Variants in ABI1 observed in about 807,000 individuals in gnomAD.
ABI1 encodes the protein abl interactor 1, also known as Abelson interactor 1.
A neutral mutation model predicts 54.6 loss-of-function variants in ABI1; 14 were observed. That is an observed-to-expected ratio of 0.26 (90% CI 0.17 to 0.40). The LOEUF (loss-of-function observed/expected upper bound fraction) is 0.40, where lower values mean the gene tolerates loss of function less well. Among genes scored for constraint, ABI1 ranks in the 10% least tolerant of loss-of-function variants. ABI1 has a pLI of 1.00. For synonymous variants in ABI1, 194 were observed against 209.3 expected (o/e 0.93, Z 0.63); for missense variants, 443 against 598.3 (o/e 0.74, Z 2.71).
intron 2 of ABI1, among the ~76,000 whole-genome samples, chr10:26,785,455 C>T (rs1219476500): frequency 6.6e-6 from 1 of 152,184 alleles, no homozygotes; most frequent in Admixed American, 6.5e-5. Flanking sequence ...GGTGTGGTGG[C>T]TCATGCCTGT....
chr10:26,800,879 G>A (rs1361190991), intron 2 of ABI1, among the ~76,000 whole-genome samples: 4 of 152,204 alleles, frequency 2.6e-5, no homozygotes, highest in South Asian at 2.1e-4. Flanking sequence ...GGTGGCACAC[G>A]CCTGCAATCC....
intron 2 of ABI1, among the ~76,000 whole-genome samples, chr10:26,807,711 C>T (rs2046963409): frequency 1.3e-5 from 2 of 152,154 alleles, no homozygotes; most frequent in African/African-American, 4.8e-5. Flanking sequence ...TTGTGGTCAC[C>T]ATGAACTCTG....
intron 2 of ABI1, among the ~76,000 whole-genome samples, chr10:26,809,624 A>G (rs892940164): frequency 6.6e-6 from 1 of 152,198 alleles, no homozygotes; most frequent in East Asian, 1.9e-4. Context: ...TTTTCACATA[A>G]AAAAGGGGGG....
At chr10:26,855,254 T>A (rs1019536664) in intron 1 of ABI1, among the ~76,000 whole-genome samples, 2 of 152,236 alleles carry the variant, frequency 1.3e-5, no homozygotes, top group African/African-American at 4.8e-5. Flanking sequence ...TCTCTTCTTA[T>A]ATTCACAACC....
At chr10:26,794,642 T>C (rs1157853675) in intron 2 of ABI1, among the ~76,000 whole-genome samples, 1 of 151,570 alleles carries the variant, frequency 6.6e-6, no homozygotes, top group African/African-American at 2.4e-5. Flanking sequence ...ACACAGTTAC[T>C]GTAAGGATTA....
chr10:26,838,482 C>T (rs572371513), intron 1 of ABI1, among the ~76,000 whole-genome samples: 3 of 152,204 alleles, frequency 2.0e-5, no homozygotes, highest in East Asian at 1.9e-4. Flanking sequence ...AGTAAGCCTA[C>T]GACAGTAGAC....
rs187806440 is a variant in ABI1, at chr10:26,780,614, C to T, written c.286-3373G>A. On this transcript the variant is annotated intron_variant, in intron 2 of 10. Transcript: ENST00000376140. ...TCACTGGTGCAAAGCTACTCTCTCCCAGCCTCCCTCATCCCTCAACCTCAG... is the reference window on the plus strand; with the variant it reads ...TCACTGGTGCAAAGCTACTCTCTCCTAGCCTCCCTCATCCCTCAACCTCAG... Among the ~76,000 whole-genome samples the T allele has an allele frequency of 3.9e-3, 593 of 152,304 alleles. 4 individuals carry two copies. Among genetic ancestry groups the T allele is most frequent in the Non-Finnish European group, 5.4e-3 (366 of 68,022 alleles).
intron 8 of ABI1, among the ~76,000 whole-genome samples, chr10:26,756,165 T>C (rs1028539955): frequency 6.6e-6 from 1 of 152,200 alleles, no homozygotes; most frequent in Admixed American, 6.5e-5. Context: ...CAGGTTTGTC[T>C]AGCTTTAAGG....
chr10:26,751,708 G>A lies in ABI1; in HGVS notation c.1160C>T (p.Pro387Leu). The A allele has an allele frequency of 1.2e-6, 2 of 1,613,962 alleles. No individual in the cohort carries two copies. The highest frequency in any genetic ancestry group is 8.5e-7 in the Non-Finnish European group (1 of 1,179,974). ...IPMFDDSPPPPPPPPVDYEDE... is the reference protein window; with the variant it reads ...IPMFDDSPPPLPPPPVDYEDE... ...TTCATAATCCACTGGTGGTGGTGGTGGGGGAGGTGGAGAGTCATCAAACAT... is the reference window on the plus strand; with the variant it reads ...TTCATAATCCACTGGTGGTGGTGGTAGGGGAGGTGGAGAGTCATCAAACAT... The change falls in exon 10 of 11, where the codon CCA becomes CTA. Residue 387 changes from proline (P) to leucine (L), a missense_variant. This residue lies in a region of ABI1 where 394 missense variants were observed against 484.8 expected (regional missense o/e 0.81). Transcript: ENST00000376140.
chr10:26,802,202 T>A (rs2133386153), intron 2 of ABI1, among the ~76,000 whole-genome samples: 1 of 152,318 alleles, frequency 6.6e-6, no homozygotes, highest in Middle Eastern at 3.4e-3. Flanking sequence ...AGGCAAAAAA[T>A]TAAGGCAGGC....
chr10:26,782,420 T>C (rs1454718899), intron 2 of ABI1, among the ~76,000 whole-genome samples: 1 of 151,822 alleles, frequency 6.6e-6, no homozygotes, highest in Non-Finnish European at 1.5e-5. Context: ...TAGACATTTC[T>C]CCAAAGAAGA....
At chr10:26,792,411 G>A (rs1465032620) in intron 2 of ABI1, among the ~76,000 whole-genome samples, 1 of 152,170 alleles carries the variant, frequency 6.6e-6, no homozygotes, top group Admixed American at 6.5e-5. Context: ...AAAAAGGAGA[G>A]TGGGGAAAAA....
At chr10:26,750,040 C>T (rs7078119) in intron 10 of ABI1, among the ~76,000 whole-genome samples, 88,140 of 152,056 alleles carry the variant, frequency 0.58, 27,639 homozygotes, top group African/African-American at 0.83. Context: ...CCCATTTTCA[C>T]AGTTAATTGG....
intron 1 of ABI1, among the ~76,000 whole-genome samples, chr10:26,843,362 G>T (rs1212299654): frequency 6.8e-6 from 1 of 146,292 alleles, no homozygotes; most frequent in Admixed American, 7.0e-5. Flanking sequence ...GCTGAGGCAG[G>T]AGAATCGCTT....
chr10:26,778,467 G>A (rs757608118), intron 2 of ABI1, among the ~76,000 whole-genome samples: 3 of 148,870 alleles, frequency 2.0e-5, no homozygotes, highest in Non-Finnish European at 3.0e-5. Context: ...TAGGTGAGAC[G>A]AGGCCAGGAT....
At position 26,823,178 on chromosome 10, in the gene ABI1, T is replaced by A. The variant is rs574907757; in HGVS notation, c.245A>T (p.Gln82Leu). 10 of 1,601,458 alleles carry A rather than the reference T, an allele frequency of 6.2e-6. No homozygotes were observed. The highest frequency in any genetic ancestry group is 8.5e-6 in the Non-Finnish European group (10 of 1,176,312). Residue 82 changes from glutamine to leucine, a missense_variant, in exon 2 of 11, where the codon CAG becomes CTG. Coordinates refer to ENST00000376140, the MANE Select transcript of ABI1 (RefSeq NM_001012750.3). ...VLQLLDIQAS[Q>L]LRRMESSINH... is the part of the protein sequence containing the mutation. Reference sequence around the variant, plus strand: ...GATGGAAGACTCCATTCTCCGAAGCTGAGAGGCTTGGATATCCAGCAACTG... The same window carrying A: ...GATGGAAGACTCCATTCTCCGAAGCAGAGAGGCTTGGATATCCAGCAACTG...
At chr10:26,772,380 C>G (rs1840800240) in intron 3 of ABI1, among the ~76,000 whole-genome samples, 2 of 151,838 alleles carry the variant, frequency 1.3e-5, no homozygotes, top group Admixed American at 6.6e-5. Context: ...ATACATAATA[C>G]TAAATACTAT....
intron 2 of ABI1, among the ~76,000 whole-genome samples, chr10:26,808,262 C>G (rs1428618907): frequency 1.3e-5 from 2 of 152,168 alleles, no homozygotes; most frequent in Non-Finnish European, 2.9e-5. Context: ...TTGATAGGAA[C>G]TATTCTGTTA....
rs148369475 is a variant in ABI1, at chr10:26,757,204, GTACTACTAC to G, written c.998-1472_998-1464del. Reference sequence around the variant, plus strand: ...ACATCAAAACACTAAAAACATTCACGTACTACTACTACTACTACTACAACACCAACAGTA... The same window carrying G: ...ACATCAAAACACTAAAAACATTCACGTACTACTACTACAACACCAACAGTA... On this transcript the variant is annotated intron_variant, in intron 8 of 10. Transcript: ENST00000376140. Among the ~76,000 whole-genome samples the G allele has an allele frequency of 2.0e-5, 3 of 151,568 alleles. No individual in the cohort carries two copies. In the East Asian group the frequency reaches 5.8e-4, roughly 29 times the overall value.
Sources: allele counts gnomAD v4.1 joint callset (sites outside exome capture counted in the v4.1 genomes callset), GRCh38; gene constraint gnomAD v4.1.1; regional missense constraint gnomAD v4.1.1; transcripts MANE v1.5; gene names NCBI Gene and HGNC (gene_info 2026-07-23, HGNC 2026-07-21).